Variants in AQR observed in about 807,000 individuals in gnomAD.
AQR encodes the protein RNA helicase aquarius.
AQR carries 61 observed loss-of-function variants against 180.5 expected under a neutral mutation model. The ratio of observed to expected loss-of-function variants is 0.34; its 90% CI spans 0.28 to 0.42. The LOEUF is 0.42. Ranked by LOEUF, AQR falls within the 10% of genes least tolerant of loss-of-function variation. The probability of loss-of-function intolerance (pLI) is 1.00; values close to 1 mark genes in which losing one functional copy is unlikely to be tolerated. For synonymous variants in AQR, 551 were observed against 588.8 expected, an observed-to-expected ratio of 0.94 and a Z score of 0.93; for missense variants, 1,281 against 1,798.3, an observed-to-expected ratio of 0.71 and a Z score of 5.20.
Position 34,950,770 on chromosome 15 carries a change from G to C in AQR, c.209+2115C>G, listed in dbSNP as rs2088039023. On this transcript the variant is annotated intron_variant, in intron 4 of 34. Transcript: ENST00000156471. ...TACCCTAATGTGCTCTGTAATTTGG[G>C]AGTATAAACTCACCTTTACCAAGGT... Among the ~76,000 whole-genome samples the C allele has an allele frequency of 2.6e-5, 4 of 152,010 alleles. No homozygotes were observed. The South Asian group carries it at 8.3e-4, about 32-fold the overall frequency.
Position 34,918,292 on chromosome 15 carries a change from T to C in AQR, c.1308A>G (p.Glu436=). The C allele has an allele frequency of 6.2e-7, 1 of 1,613,770 alleles. No individual in the cohort carries two copies. Among genetic ancestry groups the C allele is most frequent in the Non-Finnish European group, 8.5e-7 (1 of 1,179,788 alleles). Reference sequence around the variant, plus strand: ...AATAGTACTCAGTTGGGACAATATTTTCATCCCATATAATTTTCTCAGTTG... The same window carrying C: ...AATAGTACTCAGTTGGGACAATATTCTCATCCCATATAATTTTCTCAGTTG... ...LYPTEKIIWD[E]NIVPTEYYSG... is the part of the protein sequence containing the mutation. Residue 436 remains glutamate (E), a synonymous_variant, in exon 15 of 35, where the codon GAA becomes GAG. Coordinates refer to ENST00000156471, the MANE Select transcript of AQR (RefSeq NM_014691.3).
At chr15:34,968,462 G>A (rs2050324594) in intron 1 of AQR, among the ~76,000 whole-genome samples, 1 of 151,306 alleles carries the variant, frequency 6.6e-6, no homozygotes, top group South Asian at 2.1e-4. Flanking sequence ...GTTTCACCGT[G>A]TTAGCCAGGA....
chr15:34,898,614 G>A (rs772114226), intron 20 of AQR, among the ~76,000 whole-genome samples: 11 of 152,338 alleles, frequency 7.2e-5, no homozygotes, highest in East Asian at 1.9e-4. Context: ...GGCCAGGCGC[G>A]TTGGCTCACA....
At chr15:34,934,466 T>C (rs540214801) in intron 10 of AQR, 105 bp downstream of exon 10, 3 of 541,164 alleles carry the variant, frequency 5.5e-6, no homozygotes, top group East Asian at 7.7e-5. Context: ...TATACATATG[T>C]ATTGAAAAGA....
At chr15:34,964,346 G>T in intron 1 of AQR, 56 bp from the exon 2 acceptor site, 1 of 1,378,042 alleles carries the variant, frequency 7.3e-7, no homozygotes. Context: ...TGTAGAGCTG[G>T]AAGACAGATC....
chr15:34,866,574 AGGGAGAGGAG>A lies in AQR; in HGVS notation c.3854+940_3854+949del, dbSNP rs1209754980. 8.5e-5 allele frequency among the ~76,000 whole-genome samples: 13 copies of A among 152,210 alleles called. No homozygotes were observed. In the East Asian group the frequency reaches 2.5e-3, roughly 29 times the overall value. On this transcript the variant is annotated intron_variant, in intron 32 of 34. Coordinates refer to ENST00000156471, the MANE Select transcript of AQR (RefSeq NM_014691.3). The stretch of plus-strand genomic sequence containing the variant: ...GTACCACAGAGTTAAGAAAAAAGGT[AGGGAGAGGAG>A]GGGGGCGGAAGGAGTATTCATATAT...
intron 30 of AQR, among the ~76,000 whole-genome samples, chr15:34,873,448 A>G (rs991131403): frequency 2.0e-5 from 3 of 152,118 alleles, no homozygotes; most frequent in African/African-American, 7.2e-5. Context: ...ATTTTTTAAA[A>G]CAATTTATGA....
intron 16 of AQR, 61 bp downstream of exon 16, chr15:34,914,977 G>C: frequency 6.7e-7 from 1 of 1,500,902 alleles, no homozygotes; most frequent in Non-Finnish European, 8.9e-7. Flanking sequence ...TAAGGTTTCT[G>C]ACAGAAGTTT....
intron 25 of AQR, among the ~76,000 whole-genome samples, chr15:34,885,078 G>A (rs1893038998): frequency 6.6e-6 from 1 of 152,162 alleles, no homozygotes; most frequent in Non-Finnish European, 1.5e-5. Context: ...GTAAAGGAAA[G>A]AAAGCTCTCT....
intron 13 of AQR, 50 bp from the exon 14 acceptor site, chr15:34,920,484 C>G: frequency 7.4e-7 from 1 of 1,349,760 alleles, no homozygotes; most frequent in Non-Finnish European, 1.0e-6. Flanking sequence ...CTTCACTTCA[C>G]TTTTGAAACA....
intron 10 of AQR, among the ~76,000 whole-genome samples, chr15:34,933,172 T>A (rs143419553): frequency 1.1e-3 from 175 of 152,352 alleles, no homozygotes; most frequent in Admixed American, 1.8e-3. Context: ...GCTTGAAAAT[T>A]ACTAATCTAA....
At chr15:34,920,945 G>A (rs1005419521) in intron 13 of AQR, among the ~76,000 whole-genome samples, 4 of 152,034 alleles carry the variant, frequency 2.6e-5, no homozygotes, top group African/African-American at 4.8e-5. Flanking sequence ...GCGACAAAGC[G>A]AGACTCCGTC....
At chr15:34,889,387 A>T (rs1893107911) in intron 24 of AQR, among the ~76,000 whole-genome samples, 1 of 152,258 alleles carries the variant, frequency 6.6e-6, no homozygotes, top group Admixed American at 6.5e-5. Flanking sequence ...AATTCATCAA[A>T]TATCATGTTT....
chr15:34,943,167 A>G, intron 6 of AQR: 1 of 1,611,014 alleles, frequency 6.2e-7, no homozygotes, highest in African/African-American at 1.3e-5. Flanking sequence ...CAAGAAGGGC[A>G]AGGATTCTCT....
intron 23 of AQR, among the ~76,000 whole-genome samples, chr15:34,890,620 C>T (rs1228357964): frequency 6.6e-6 from 1 of 152,144 alleles, no homozygotes; most frequent in East Asian, 1.9e-4. Context: ...CTAAAATAAA[C>T]AACCACACTG....
At chr15:34,895,209 T>G (rs1404599835) in intron 22 of AQR, among the ~76,000 whole-genome samples, 1 of 73,704 alleles carries the variant, frequency 1.4e-5, no homozygotes, top group Non-Finnish European at 2.7e-5. Flanking sequence ...TATATATATA[T>G]ATATATATAT....
chr15:34,876,444 T>C (rs1328478655), intron 27 of AQR, among the ~76,000 whole-genome samples: 2 of 152,100 alleles, frequency 1.3e-5, no homozygotes, highest in African/African-American at 4.8e-5. Flanking sequence ...TCACAACAAT[T>C]CACTTCAGTC....
chr15:34,953,914 TA>T (rs1279063593), intron 3 of AQR, among the ~76,000 whole-genome samples: 1 of 152,234 alleles, frequency 6.6e-6, no homozygotes, highest in East Asian at 1.9e-4. Flanking sequence ...ACATTTTGTT[TA>T]TTTTTTTCTT....
At chr15:34,932,719 G>C (rs1025238279) in intron 10 of AQR, among the ~76,000 whole-genome samples, 1 of 152,114 alleles carries the variant, frequency 6.6e-6, no homozygotes, top group Non-Finnish European at 1.5e-5. Flanking sequence ...CAGTGCTTTG[G>C]CGTGGCGGGT....
Sources: gnomAD v4.1 joint callset for allele counts (sites outside exome capture counted in the v4.1 genomes callset) on GRCh38, gnomAD v4.1.1 for gene constraint, MANE v1.5 for transcripts, NCBI Gene and HGNC (gene_info 2026-07-23, HGNC 2026-07-21) for gene names.